Variants in PPARGC1A observed in about 807,000 individuals in gnomAD.
PPARGC1A encodes the protein peroxisome proliferator-activated receptor gamma coactivator 1-alpha.
Under a neutral mutation model 88.7 loss-of-function variants are expected in PPARGC1A, and 25 were observed. That is an observed-to-expected ratio of 0.28 (90% CI 0.21 to 0.39). PPARGC1A has a LOEUF of 0.39. Ranked by LOEUF, PPARGC1A falls within the 10% of genes least tolerant of loss-of-function variation. PPARGC1A has a pLI of 1.00. For synonymous variants in PPARGC1A, 363 were observed against 355.6 expected (o/e 1.02, Z -0.24); for missense variants, 880 against 968.7 (o/e 0.91, Z 1.22).
the PPARGC1A span, among the ~76,000 whole-genome samples, chr4:24,067,610 A>G: frequency 6.6e-6 from 1 of 152,224 alleles, no homozygotes; most frequent in African/African-American, 2.4e-5. Flanking sequence ...CTTCGGAGGC[A>G]CAGGTTTAGC....
chr4:24,232,293 A>G, the PPARGC1A span, among the ~76,000 whole-genome samples: 2 of 152,034 alleles, frequency 1.3e-5, no homozygotes, highest in African/African-American at 4.8e-5. Flanking sequence ...GCGAAATCAC[A>G]TCGTTCCCTT....
chr4:24,446,649 T>G, the PPARGC1A span, among the ~76,000 whole-genome samples: 38 of 146,886 alleles, frequency 2.6e-4, no homozygotes, highest in East Asian at 2.0e-4. Flanking sequence ...CAGGCTGGAG[T>G]GCAGTGGTGC....
At chr4:24,002,186 G>A in the PPARGC1A span, among the ~76,000 whole-genome samples, 115 of 151,766 alleles carry the variant, frequency 7.6e-4, no homozygotes, top group Non-Finnish European at 1.4e-3. Flanking sequence ...GAGTGCAGTG[G>A]CACGATCTCA....
the PPARGC1A span, among the ~76,000 whole-genome samples, chr4:24,268,728 CTAA>C: frequency 2.0e-5 from 3 of 152,142 alleles, no homozygotes; most frequent in African/African-American, 7.2e-5. Flanking sequence ...AATTTCTTCA[CTAA>C]TAATTACTTT....
At chr4:23,983,533 A>G in the PPARGC1A span, among the ~76,000 whole-genome samples, 1 of 152,190 alleles carries the variant, frequency 6.6e-6, no homozygotes, top group Non-Finnish European at 1.5e-5. Flanking sequence ...CATACAAGGA[A>G]TAAGTTCTTT....
At chr4:23,946,479 C>T in the PPARGC1A span, among the ~76,000 whole-genome samples, 5 of 151,992 alleles carry the variant, frequency 3.3e-5, no homozygotes, top group African/African-American at 9.7e-5. Context: ...AATGGCCTCG[C>T]GCTGCTACAA....
chr4:24,110,534 G>A, the PPARGC1A span, among the ~76,000 whole-genome samples: 3 of 152,180 alleles, frequency 2.0e-5, no homozygotes, highest in Non-Finnish European at 4.4e-5. Flanking sequence ...CAACAGGAAA[G>A]AAGGCCCAGG....
chr4:24,435,195 G>A, the PPARGC1A span, among the ~76,000 whole-genome samples: 9 of 152,164 alleles, frequency 5.9e-5, no homozygotes, highest in African/African-American at 2.2e-4. Context: ...TTTGAAGGCA[G>A]AACTGTTCTT....
At chr4:24,072,742 A>G in the PPARGC1A span, among the ~76,000 whole-genome samples, 2 of 152,352 alleles carry the variant, frequency 1.3e-5, no homozygotes, top group South Asian at 4.1e-4. Context: ...CTCAAACTGA[A>G]AGAAAACAGA....
chr4:24,430,138 A>T, the PPARGC1A span, among the ~76,000 whole-genome samples: 1 of 152,168 alleles, frequency 6.6e-6, no homozygotes, highest in Non-Finnish European at 1.5e-5. Context: ...CTGCCCAAAG[A>T]CACACATTTT....
At chr4:24,137,113 CA>C in the PPARGC1A span, among the ~76,000 whole-genome samples, 16,283 of 82,044 alleles carry the variant, frequency 0.2, 1,054 homozygotes, top group African/African-American at 0.3. Flanking sequence ...GACTCTGTCT[CA>C]AAAAAAAAAA....
the PPARGC1A span, among the ~76,000 whole-genome samples, chr4:24,291,970 C>T: frequency 6.6e-6 from 1 of 152,162 alleles, no homozygotes; most frequent in African/African-American, 2.4e-5. Context: ...CAAAGGTTAT[C>T]ATTTTAGATG....
chr4:23,890,216 TTA>T (rs1491311265), upstream of PPARGC1A: 332 of 352,410 alleles, frequency 9.4e-4, no homozygotes, highest in Admixed American at 2.4e-3. Context: ...AAGTAACGCT[TTA>T]AAAAAAAAAA....
At chr4:24,166,659 A>G in the PPARGC1A span, among the ~76,000 whole-genome samples, 17 of 152,210 alleles carry the variant, frequency 1.1e-4, no homozygotes, top group Admixed American at 6.5e-5. Flanking sequence ...AACTCAGATA[A>G]TGAGGGCCCT....
In PPARGC1A at chr4:23,818,102, A is replaced by T. The variant is rs60992708; in HGVS notation, c.878-3497T>A. 7.2e-3 allele frequency among the ~76,000 whole-genome samples: 1,091 copies of T among 152,258 alleles called. 13 individuals carry two copies. The highest frequency in any genetic ancestry group is 0.025 in the African/African-American group (1,041 of 41,548). On this transcript the variant is annotated intron_variant, in intron 7 of 12. Coordinates refer to ENST00000264867, the MANE Select transcript of PPARGC1A (RefSeq NM_013261.5). ...CACTAATCTCTGGACTCTCGATTTC[A>T]TGCCACAAGCCCAAATCAACAGTGC...
chr4:24,403,243 GT>G, the PPARGC1A span, among the ~76,000 whole-genome samples: 13 of 152,302 alleles, frequency 8.5e-5, no homozygotes, highest in Non-Finnish European at 4.4e-5. Flanking sequence ...AGATAAGGTG[GT>G]TGAATGGGTT....
At chr4:24,233,933 A>C in the PPARGC1A span, among the ~76,000 whole-genome samples, 1 of 152,236 alleles carries the variant, frequency 6.6e-6, no homozygotes, top group African/African-American at 2.4e-5. Flanking sequence ...TTTATTGGGC[A>C]CGTAATTCAG....
chr4:24,408,514 G>A, the PPARGC1A span, among the ~76,000 whole-genome samples: 1 of 152,220 alleles, frequency 6.6e-6, no homozygotes. Context: ...GGTGGCCTTA[G>A]TGACTTGCTT....
the PPARGC1A span, among the ~76,000 whole-genome samples, chr4:24,084,044 C>T: frequency 6.6e-6 from 1 of 152,216 alleles, no homozygotes; most frequent in South Asian, 2.1e-4. Context: ...GTAACATGCT[C>T]ACGGTCACAC....
Sources: allele counts gnomAD v4.1 joint callset (sites outside exome capture counted in the v4.1 genomes callset), GRCh38; gene constraint gnomAD v4.1.1; transcripts MANE v1.5; gene names NCBI Gene and HGNC (gene_info 2026-07-23, HGNC 2026-07-21).